ELP4: variants seen among roughly 807,000 people sequenced by gnomAD.
ELP4 encodes the protein elongator acetyltransferase complex subunit 4, also known as elongator complex protein 4.
A neutral mutation model predicts 48.9 loss-of-function variants in ELP4; 51 were observed. The observed-to-expected ratio is 1.04, with a 90% CI of 0.83 to 1.32. The LOEUF is 1.32. ELP4 is among the 40% of genes most tolerant of loss of function. The pLI, the probability that ELP4 is intolerant of heterozygous loss-of-function variation, is 0.00. For synonymous variants in ELP4, 210 were observed against 189.2 expected, an observed-to-expected ratio of 1.11 and a Z score of -0.90; for missense variants, 519 against 514.6, an observed-to-expected ratio of 1.01 and a Z score of -0.08.
intron 9 of ELP4, among the ~76,000 whole-genome samples, chr11:31,700,711 T>A (rs1946503655): frequency 6.6e-6 from 1 of 152,052 alleles, no homozygotes; most frequent in Non-Finnish European, 1.5e-5. Context: ...GGGAGTTGAT[T>A]CAGGAAAGTG....
chr11:31,537,475 A>G (rs1404564752), intron 2 of ELP4, among the ~76,000 whole-genome samples: 1 of 152,176 alleles, frequency 6.6e-6, no homozygotes, highest in Non-Finnish European at 1.5e-5. Flanking sequence ...TGACTGTTGT[A>G]TTAGTCCCTT....
At chr11:31,651,756 C>G (rs1385894942) in intron 9 of ELP4, 2 of 151,642 alleles carry the variant, frequency 1.3e-5, no homozygotes, top group African/African-American at 4.8e-5. Flanking sequence ...ATTCTAACAA[C>G]CACATCTGAG....
chr11:31,759,230 C>G (rs1363069397), intron 9 of ELP4, among the ~76,000 whole-genome samples: 1 of 152,162 alleles, frequency 6.6e-6, no homozygotes, highest in African/African-American at 2.4e-5. Flanking sequence ...TCAAGAAGTT[C>G]TTTCCCACAC....
intron 9 of ELP4, among the ~76,000 whole-genome samples, chr11:31,708,275 G>A (rs1946674520): frequency 2.0e-5 from 3 of 152,138 alleles, no homozygotes; most frequent in South Asian, 2.1e-4. Flanking sequence ...CCACAACAAA[G>A]CCATCAGAGT....
intron 9 of ELP4, among the ~76,000 whole-genome samples, chr11:31,691,494 A>G (rs1946280129): frequency 6.6e-6 from 1 of 152,102 alleles, no homozygotes; most frequent in Non-Finnish European, 1.5e-5. Context: ...AAAGTCAGGC[A>G]TAAATTGTGT....
In ELP4 at chr11:31,572,069, C is replaced by G. The variant is rs181484235; in HGVS notation, c.382-22701C>G. On this transcript the variant is annotated intron_variant, in intron 3 of 9. Coordinates refer to ENST00000640961, the MANE Select transcript of ELP4 (RefSeq NM_019040.5). The stretch of plus-strand genomic sequence containing the variant: ...TTTGGAGCTAGGCATTGACTTCTCT[C>G]TAGCCATGAAAGTCCTAGACAATAT... 5.2e-3 allele frequency among the ~76,000 whole-genome samples: 793 copies of G among 152,320 alleles called. 3 individuals are homozygous for G. Among genetic ancestry groups the G allele is most frequent in the Admixed American group, 8.6e-3 (132 of 15,300 alleles).
At chr11:31,705,329 G>C (rs1946608781) in intron 9 of ELP4, among the ~76,000 whole-genome samples, 1 of 152,080 alleles carries the variant, frequency 6.6e-6, no homozygotes, top group Non-Finnish European at 1.5e-5. Context: ...GCCCCACCCT[G>C]ATGACCTTAT....
chr11:31,578,163 C>G (rs955888378), intron 3 of ELP4, among the ~76,000 whole-genome samples: 2 of 151,938 alleles, frequency 1.3e-5, no homozygotes, highest in African/African-American at 4.8e-5. Context: ...AGACAGAGAG[C>G]CAAATCATGA....
chr11:31,562,634 T>A (rs1957040181), intron 3 of ELP4, among the ~76,000 whole-genome samples: 1 of 152,196 alleles, frequency 6.6e-6, no homozygotes, highest in South Asian at 2.1e-4. Context: ...ACCCTTTCTT[T>A]TTGTAATAGC....
chr11:31,742,530 C>G (rs1007200266), intron 9 of ELP4, among the ~76,000 whole-genome samples: 78 of 152,280 alleles, frequency 5.1e-4, no homozygotes, highest in African/African-American at 1.9e-3. Context: ...AAGGGAAGCC[C>G]ATCAGACTAA....
chr11:31,522,453 A>G (rs1337021703), intron 2 of ELP4, among the ~76,000 whole-genome samples: 1 of 152,178 alleles, frequency 6.6e-6, no homozygotes, highest in South Asian at 2.1e-4. Context: ...ACCTCAATTT[A>G]TGTACATTTA....
At chr11:31,696,500 A>C (rs959723532) in intron 9 of ELP4, among the ~76,000 whole-genome samples, 1 of 152,148 alleles carries the variant, frequency 6.6e-6, no homozygotes, top group African/African-American at 2.4e-5. Context: ...CTTAATCCTG[A>C]GTTCTAGTTT....
intron 9 of ELP4, among the ~76,000 whole-genome samples, chr11:31,719,261 GAAA>G (rs1238897258): frequency 8.1e-6 from 1 of 123,616 alleles, no homozygotes; most frequent in African/African-American, 3.0e-5. Context: ...CCCTGAAAAA[GAAA>G]AAAAAAAAAG....
At position 31,611,661 on chromosome 11, in the gene ELP4, G is replaced by A. The variant is rs559840587; in HGVS notation, c.653+7754G>A. 1.6e-3 allele frequency among the ~76,000 whole-genome samples: 250 copies of A among 152,286 alleles called. 2 individuals carry two copies. Among genetic ancestry groups the A allele is most frequent in the African/African-American group, 5.8e-3 (239 of 41,542 alleles). The stretch of plus-strand genomic sequence containing the variant: ...AAAGCTTTTTCCAAATCTCAACACC[G>A]TCTATGAACTTGAGCACCTGCTATG... On this transcript the variant is annotated intron_variant, in intron 5 of 9. Transcript: ENST00000640961.
chr11:31,712,382 T>C (rs540542589), intron 9 of ELP4, among the ~76,000 whole-genome samples: 4 of 152,234 alleles, frequency 2.6e-5, no homozygotes, highest in African/African-American at 9.6e-5. Context: ...GTTTTGTATT[T>C]AGTAAATGAT....
chr11:31,606,536 T>C (rs924710054), intron 5 of ELP4, among the ~76,000 whole-genome samples: 1 of 152,138 alleles, frequency 6.6e-6, no homozygotes, highest in Admixed American at 6.6e-5. Context: ...TTAAAATGAT[T>C]AGTAGGTTTG....
chr11:31,564,099 A>C (rs1235991409), intron 3 of ELP4, among the ~76,000 whole-genome samples: 2 of 152,148 alleles, frequency 1.3e-5, no homozygotes, highest in African/African-American at 4.8e-5. Context: ...AGGGTCAATG[A>C]CTCCCAGTAA....
chr11:31,607,229 A>C (rs1193050837), intron 5 of ELP4, among the ~76,000 whole-genome samples: 1 of 152,280 alleles, frequency 6.6e-6, no homozygotes, highest in African/African-American at 2.4e-5. Flanking sequence ...TAAGCCCCCC[A>C]ATCTATGGTA....
At chr11:31,579,312 C>T (rs112009840) in intron 3 of ELP4, among the ~76,000 whole-genome samples, 13,214 of 152,072 alleles carry the variant, frequency 0.087, 1,599 homozygotes, top group African/African-American at 0.26. Flanking sequence ...TGTGGAGACA[C>T]AGGAACACTT....
Sources: allele counts gnomAD v4.1 joint callset (sites outside exome capture counted in the v4.1 genomes callset), GRCh38; gene constraint gnomAD v4.1.1; transcripts MANE v1.5; gene names NCBI Gene and HGNC (gene_info 2026-07-23, HGNC 2026-07-21).